Variants in CLCN3 observed in about 807,000 individuals in gnomAD.
CLCN3 encodes the protein Cl-/H+ antiporter 3.
Under a neutral mutation model 83.4 loss-of-function variants are expected in CLCN3, and 16 were observed. The ratio of observed to expected loss-of-function variants is 0.19; its 90% CI spans 0.13 to 0.29. The LOEUF (loss-of-function observed/expected upper bound fraction) is 0.29, where lower values mean the gene tolerates loss of function less well. Among genes scored for constraint, CLCN3 ranks in the 10% least tolerant of loss-of-function variants. The pLI is 1.00. For missense variants in CLCN3, 544 were observed against 1,006.0 expected, an observed-to-expected ratio of 0.54 and a Z score of 6.21; for synonymous variants, 322 against 346.2, an observed-to-expected ratio of 0.93 and a Z score of 0.78.
intron 2 of CLCN3, among the ~76,000 whole-genome samples, chr4:169,658,482 A>G (rs1730951865): frequency 6.6e-6 from 1 of 152,040 alleles, no homozygotes; most frequent in African/African-American, 2.4e-5. Context: ...GTAAAGACAT[A>G]TAAGAACATG....
intron 2 of CLCN3, among the ~76,000 whole-genome samples, chr4:169,664,183 G>A (rs528574025): frequency 1.3e-5 from 2 of 152,324 alleles, no homozygotes; most frequent in South Asian, 4.1e-4. Context: ...GAAGTTGGAA[G>A]AGTGGCAGAT....
chr4:169,695,475 C>T, intron 7 of CLCN3, 137 bp from the exon 8 acceptor site: 1 of 665,676 alleles, frequency 1.5e-6, no homozygotes, highest in Non-Finnish European at 2.6e-6. Context: ...GAATAGTTAC[C>T]CTTTGCTTAG....
At chr4:169,647,277 A>C (rs1332761940) in intron 2 of CLCN3, among the ~76,000 whole-genome samples, 1 of 152,028 alleles carries the variant, frequency 6.6e-6, no homozygotes, top group Non-Finnish European at 1.5e-5. Context: ...GTGGTCCTCA[A>C]TATGCAGGAG....
Position 169,636,066 on chromosome 4 carries a change from A to G in CLCN3, c.138A>G (p.Leu46=). The change falls in exon 2 of 13, where the codon TTA becomes TTG. Residue 46 remains leucine, a synonymous_variant. Coordinates refer to ENST00000513761, the MANE Select transcript of CLCN3 (RefSeq NM_001829.4). The stretch of plus-strand genomic sequence containing the variant: ...TTCAAACATCTGAAGATGACAATTT[A>G]TTAGATGGTGACACTGCAGTTGGTA... ...MDFQTSEDDN[L]LDGDTAVGTH... is the part of the protein sequence containing the mutation. 1 of 1,612,732 alleles carries G rather than the reference A, an allele frequency of 6.2e-7. No homozygotes were observed. The highest frequency in any genetic ancestry group is 8.5e-7 in the Non-Finnish European group (1 of 1,179,342).
At chr4:169,621,190 C>G (rs1773104022) in intron 1 of CLCN3, 127 bp downstream of exon 1, 2 of 324,244 alleles carry the variant, frequency 6.2e-6, no homozygotes, top group South Asian at 3.1e-4. Context: ...AAAGGTACAT[C>G]GTGAATTGGG....
intron 2 of CLCN3, among the ~76,000 whole-genome samples, chr4:169,667,412 A>T (rs1326351877): frequency 1.3e-5 from 2 of 152,202 alleles, no homozygotes; most frequent in African/African-American, 2.4e-5. Flanking sequence ...CATATTAGGA[A>T]ATAATGGATT....
At position 169,692,110 on chromosome 4, in the gene CLCN3, G is replaced by A. The variant is rs758300037; in HGVS notation, c.730-4G>A. On this transcript the variant is annotated splice_polypyrimidine_tract_variant and splice_region_variant and intron_variant, in intron 6 of 12. Coordinates refer to ENST00000513761, the MANE Select transcript of CLCN3 (RefSeq NM_001829.4). ...ATTAAGCTGCCTTAATCTTTGCCTTGTAGATTAAAACTATTTTAAGTGGAT... is the reference window on the plus strand; with the variant it reads ...ATTAAGCTGCCTTAATCTTTGCCTTATAGATTAAAACTATTTTAAGTGGAT... 1 of 1,543,210 alleles carries A rather than the reference G, an allele frequency of 6.5e-7. No individual in the cohort carries two copies. The highest frequency in any genetic ancestry group is 8.9e-7 in the Non-Finnish European group (1 of 1,117,768).
chr4:169,715,475 G>A (rs1348898806), intron 12 of CLCN3, among the ~76,000 whole-genome samples: 1 of 152,056 alleles, frequency 6.6e-6, no homozygotes, highest in Non-Finnish European at 1.5e-5. Flanking sequence ...TTTGTTTGAA[G>A]TGTATTAGGA....
chr4:169,713,057 G>A (rs1312292473), intron 11 of CLCN3, 22 bp from the exon 12 acceptor site: 1 of 1,579,538 alleles, frequency 6.3e-7, no homozygotes, highest in Middle Eastern at 1.7e-4. Flanking sequence ...TAAAAGTGTT[G>A]GTCTCTTCTC....
intron 4 of CLCN3, 139 bp downstream of exon 4, chr4:169,687,896 T>C (rs1431019330): frequency 3.9e-5 from 21 of 533,346 alleles, no homozygotes; most frequent in Admixed American, 7.3e-5. Context: ...TCTCCTTAAA[T>C]ATAAGACTAG....
At chr4:169,636,737 T>TGTTG (rs1553965338) in intron 2 of CLCN3, among the ~76,000 whole-genome samples, 81 of 140,278 alleles carry the variant, frequency 5.8e-4, no homozygotes, top group African/African-American at 1.9e-3. Context: ...ATTATTTGGT[T>TGTTG]TTTTTTTTTT....
intron 2 of CLCN3, among the ~76,000 whole-genome samples, chr4:169,672,220 T>TAGATAGATA (rs1553968499): frequency 0.043 from 6,261 of 145,594 alleles, 251 homozygotes; most frequent in African/African-American, 0.11. Context: ...TCAAAATAAA[T>TAGATAGATA]GATAGATAGA....
At chr4:169,686,681 C>CT (rs1380777569) in intron 3 of CLCN3, among the ~76,000 whole-genome samples, 2 of 152,206 alleles carry the variant, frequency 1.3e-5, no homozygotes, top group African/African-American at 4.8e-5. Flanking sequence ...TCCCAAAGTG[C>CT]TGGGATTACA....
chr4:169,675,860 T>C (rs1392002016), intron 2 of CLCN3, among the ~76,000 whole-genome samples: 1 of 152,192 alleles, frequency 6.6e-6, no homozygotes, highest in African/African-American at 2.4e-5. Flanking sequence ...GGCCTTTTGG[T>C]AACAGTTCAT....
chr4:169,691,640 C>T (rs1262878308), intron 6 of CLCN3, among the ~76,000 whole-genome samples: 1 of 152,052 alleles, frequency 6.6e-6, no homozygotes, highest in African/African-American at 2.4e-5. Flanking sequence ...AAAGCAATAT[C>T]ATGCAGTATA....
intron 9 of CLCN3, 60 bp downstream of exon 9, chr4:169,697,794 G>C: frequency 1.9e-6 from 2 of 1,065,512 alleles, no homozygotes; most frequent in Non-Finnish European, 2.7e-6. Flanking sequence ...CTTATATGTG[G>C]AATGAGAGAG....
intron 2 of CLCN3, among the ~76,000 whole-genome samples, chr4:169,640,006 T>C (rs1730360174): frequency 6.6e-6 from 1 of 152,206 alleles, no homozygotes; most frequent in Non-Finnish European, 1.5e-5. Context: ...ACGTACAACA[T>C]AGTAGTAAAC....
rs186597946 is a variant in CLCN3, at chr4:169,721,183, A to C, written c.*1186A>C. On this transcript the variant is annotated 3_prime_UTR_variant, in exon 13 of 13. Transcript: ENST00000513761. ...TCTTAAAAATTTACCATTCTTATTT[A>C]TATTTTTATGGATTAAAATTTATAA... The C allele has an allele frequency of 2.0e-5, 3 of 152,296 alleles. No homozygotes were observed. In the East Asian group the frequency reaches 5.8e-4, roughly 29 times the overall value. The allele number at this position is 152,296 out of a possible 1,614,324, so 9.4% of individuals were successfully genotyped here.
chr4:169,657,359 A>G (rs754608444), intron 2 of CLCN3, among the ~76,000 whole-genome samples: 1 of 152,160 alleles, frequency 6.6e-6, no homozygotes, highest in Non-Finnish European at 1.5e-5. Flanking sequence ...TATTTGTTGA[A>G]GAAAACAGGT....
Sources: gnomAD v4.1 joint callset for allele counts (sites outside exome capture counted in the v4.1 genomes callset) on GRCh38, gnomAD v4.1.1 for gene constraint, MANE v1.5 for transcripts, NCBI Gene and HGNC (gene_info 2026-07-23, HGNC 2026-07-21) for gene names.